ZC3H12B: variants seen among roughly 807,000 people sequenced by gnomAD.
The protein encoded by ZC3H12B is probable ribonuclease ZC3H12B.
A neutral mutation model predicts 43.9 loss-of-function variants in ZC3H12B; 7 were observed. The ratio of observed to expected loss-of-function variants is 0.16; its 90% CI spans 0.09 to 0.30. ZC3H12B has a LOEUF of 0.30. Ranked by LOEUF, ZC3H12B falls within the 10% of genes least tolerant of loss-of-function variation. The probability of loss-of-function intolerance (pLI) is 1.00; values close to 1 mark genes in which losing one functional copy is unlikely to be tolerated. For missense variants in ZC3H12B, 475 were observed against 670.2 expected, an observed-to-expected ratio of 0.71 and a Z score of 3.22; for synonymous variants, 222 against 241.7, an observed-to-expected ratio of 0.92 and a Z score of 0.76.
chrX:65,060,633 TTCA>T, the ZC3H12B span, among the ~76,000 whole-genome samples: 4 of 112,082 alleles, frequency 3.6e-5, no homozygotes, highest in African/African-American at 1.3e-4. Context: ...TGCATCAATA[TTCA>T]TCAGATATAT....
At chrX:65,217,273 A>G in the ZC3H12B span, among the ~76,000 whole-genome samples, 2 of 112,192 alleles carry the variant, frequency 1.8e-5, no homozygotes, top group African/African-American at 3.2e-5. Flanking sequence ...GGCTGCAGGA[A>G]CCACAGGCGT....
At chrX:65,090,114 A>T in the ZC3H12B span, among the ~76,000 whole-genome samples, 1 of 112,460 alleles carries the variant, frequency 8.9e-6, no homozygotes, top group Non-Finnish European at 1.9e-5. Context: ...ACTATATGTA[A>T]TTGTATGTGC....
intron 1 of ZC3H12B, among the ~76,000 whole-genome samples, chrX:65,492,270 C>G (rs1428846847): frequency 2.7e-5 from 3 of 111,829 alleles, no homozygotes; most frequent in African/African-American, 9.8e-5. Flanking sequence ...GACTTCTATT[C>G]AAGGATTGCT....
the ZC3H12B span, among the ~76,000 whole-genome samples, chrX:65,167,081 C>T: frequency 2.7e-5 from 3 of 111,713 alleles, no homozygotes; most frequent in East Asian, 2.8e-4. Flanking sequence ...CTTTTGTTGC[C>T]GTTGCCTTTG....
chrX:65,229,736 A>T, the ZC3H12B span, among the ~76,000 whole-genome samples: 1 of 101,883 alleles, frequency 9.8e-6, no homozygotes, highest in Non-Finnish European at 2.0e-5. Flanking sequence ...ACATGAACAG[A>T]CACTTCTCAA....
intron 2 of ZC3H12B, among the ~76,000 whole-genome samples, chrX:65,497,589 G>A (rs1267086575): frequency 1.8e-5 from 2 of 111,952 alleles, no homozygotes. Flanking sequence ...GTTTTCAAGA[G>A]AGTAAAAACA....
At chrX:65,104,282 A>G in the ZC3H12B span, among the ~76,000 whole-genome samples, 1 of 112,257 alleles carries the variant, frequency 8.9e-6, no homozygotes, top group Non-Finnish European at 1.9e-5. Context: ...GATGGATTAT[A>G]GACTTAAAAC....
chrX:65,373,709 G>A (rs1354346180), intron 2 of ZC3H12B, among the ~76,000 whole-genome samples: 1 of 89,940 alleles, frequency 1.1e-5, no homozygotes, highest in African/African-American at 4.2e-5. Flanking sequence ...CTTGGACACA[G>A]GAAGGGGAAC....
chrX:65,305,113 C>T, the ZC3H12B span, among the ~76,000 whole-genome samples: 2 of 111,923 alleles, frequency 1.8e-5, no homozygotes, highest in South Asian at 3.7e-4. Flanking sequence ...TATCACCACA[C>T]ATCTATTACA....
the ZC3H12B span, among the ~76,000 whole-genome samples, chrX:65,318,038 G>A: frequency 9.2e-6 from 1 of 108,806 alleles, no homozygotes; most frequent in Non-Finnish European, 1.9e-5. Flanking sequence ...GCAGATATCC[G>A]GTAGTGGGAT....
At chrX:65,228,931 T>G in the ZC3H12B span, among the ~76,000 whole-genome samples, 2 of 111,837 alleles carry the variant, frequency 1.8e-5, no homozygotes, top group East Asian at 2.8e-4. Flanking sequence ...GTGGGAAGAA[T>G]AAGTATCATG....
At chrX:65,053,205 C>T in the ZC3H12B span, among the ~76,000 whole-genome samples, 1 of 110,159 alleles carries the variant, frequency 9.1e-6, no homozygotes, top group South Asian at 3.9e-4. Context: ...TGTGCTGCAC[C>T]CATTAACTCG....
At chrX:65,297,082 C>A in the ZC3H12B span, among the ~76,000 whole-genome samples, 2 of 111,356 alleles carry the variant, frequency 1.8e-5, no homozygotes, top group Non-Finnish European at 3.8e-5. Context: ...CACCTGAGAA[C>A]TGGAACAAGA....
chrX:65,118,412 TG>T, the ZC3H12B span, among the ~76,000 whole-genome samples: 1 of 111,956 alleles, frequency 8.9e-6, no homozygotes, highest in Non-Finnish European at 1.9e-5. Flanking sequence ...ACATTGATTT[TG>T]TATCCTGAGA....
chrX:65,458,068 A>C (rs1569416287), intron 3 of ZC3H12B, among the ~76,000 whole-genome samples: 1 of 88,645 alleles, frequency 1.1e-5, no homozygotes, highest in East Asian at 3.1e-4. Context: ...TCAATAAAAA[A>C]AAAAAAAAAA....
the ZC3H12B span, among the ~76,000 whole-genome samples, chrX:65,292,878 G>A: frequency 9.0e-6 from 1 of 111,183 alleles, no homozygotes; most frequent in East Asian, 2.8e-4. Flanking sequence ...TAGATACTCA[G>A]GAGGCTGAGG....
chrX:65,310,131 T>G, the ZC3H12B span, among the ~76,000 whole-genome samples: 2 of 111,843 alleles, frequency 1.8e-5, no homozygotes, highest in Non-Finnish European at 3.8e-5. Context: ...TTCAACATAG[T>G]GTTGGAAGTT....
chrX:65,185,276 G>A, the ZC3H12B span: 1 of 112,007 alleles, frequency 8.9e-6, no homozygotes, highest in East Asian at 2.8e-4. Flanking sequence ...CTGCCTTTAA[G>A]ACAAGATCAA....
chrX:65,235,645 A>C, the ZC3H12B span, among the ~76,000 whole-genome samples: 1 of 111,199 alleles, frequency 9.0e-6, no homozygotes, highest in Admixed American at 9.6e-5. Flanking sequence ...GTCAGGCTGC[A>C]AGCAGATTCC....
Sources: gnomAD v4.1 joint callset for allele counts (sites outside exome capture counted in the v4.1 genomes callset) on GRCh38, gnomAD v4.1.1 for gene constraint, MANE v1.5 for transcripts, NCBI Gene and HGNC (gene_info 2026-07-23, HGNC 2026-07-21) for gene names.